Variants in MSRA observed in about 807,000 individuals in gnomAD.
MSRA encodes methionine sulfoxide reductase A.
Under a neutral mutation model 31.3 loss-of-function variants are expected in MSRA, and 54 were observed. The observed-to-expected ratio is 1.73, with a 90% CI of 1.39 to 2.17. The LOEUF (loss-of-function observed/expected upper bound fraction) is 2.17. Ranked by LOEUF, MSRA falls within the 30% of genes most tolerant of loss-of-function variation. The pLI, the probability that MSRA is intolerant of heterozygous loss-of-function variation, is 0.00. For synonymous variants in MSRA, 169 were observed against 116.5 expected (o/e 1.45, Z -2.90); for missense variants, 507 against 300.9 (o/e 1.69, Z -5.07).
At chr8:10,179,852 C>T (rs77489064) in intron 1 of MSRA, among the ~76,000 whole-genome samples, 24,312 of 152,150 alleles carry the variant, frequency 0.16, 4,186 homozygotes, top group African/African-American at 0.43. Flanking sequence ...TCCTACACCT[C>T]TCCCCATGTA....
At chr8:10,282,516 C>G (rs1334788558) in intron 3 of MSRA, among the ~76,000 whole-genome samples, 4 of 152,216 alleles carry the variant, frequency 2.6e-5, no homozygotes, top group Non-Finnish European at 5.9e-5. Context: ...GGTGTCCATT[C>G]TGTGTCCCCT....
At chr8:10,416,008 A>T (rs1808436458) in intron 5 of MSRA, among the ~76,000 whole-genome samples, 1 of 149,296 alleles carries the variant, frequency 6.7e-6, no homozygotes, top group Non-Finnish European at 1.5e-5. Flanking sequence ...GGGAATTCTG[A>T]CCCTCTGGGT....
chr8:10,268,124 T>G (rs1319111681), intron 3 of MSRA, among the ~76,000 whole-genome samples: 1 of 152,210 alleles, frequency 6.6e-6, no homozygotes, highest in Middle Eastern at 3.2e-3. Flanking sequence ...AACAACTAAA[T>G]GAATACATAT....
chr8:10,241,040 A>G (rs552598923), intron 2 of MSRA, among the ~76,000 whole-genome samples: 1 of 152,102 alleles, frequency 6.6e-6, no homozygotes, highest in South Asian at 2.1e-4. Context: ...CCTCTTTATG[A>G]TAGACTGTGG....
intron 1 of MSRA, among the ~76,000 whole-genome samples, chr8:10,203,353 A>G (rs979220298): frequency 2.0e-5 from 3 of 152,164 alleles, no homozygotes; most frequent in Non-Finnish European, 2.9e-5. Flanking sequence ...CTGAGGGGCC[A>G]TTTTCAATGA....
chr8:10,261,170 T>G (rs112441257), intron 3 of MSRA, among the ~76,000 whole-genome samples: 2,196 of 152,310 alleles, frequency 0.014, 44 homozygotes, highest in African/African-American at 0.05. Context: ...ATTGATTACC[T>G]TTTTATTTAT....
intron 1 of MSRA, among the ~76,000 whole-genome samples, chr8:10,178,869 C>A (rs1390796757): frequency 6.6e-6 from 1 of 152,048 alleles, no homozygotes; most frequent in East Asian, 1.9e-4. Flanking sequence ...AGGATGGCAC[C>A]AGAATCTCAG....
chr8:10,337,744 G>T (rs933902714), intron 5 of MSRA: 8 of 702,514 alleles, frequency 1.1e-5, no homozygotes, highest in East Asian at 5.4e-5. Flanking sequence ...CCATGCTGGG[G>T]CTCACTGCAG....
chr8:10,320,192 G>C, intron 5 of MSRA: 1 of 398,884 alleles, frequency 2.5e-6, no homozygotes, highest in Non-Finnish European at 4.5e-6. Context: ...GCCTGGGCCA[G>C]GGCCAGTGGC....
chr8:10,212,048 A>G (rs1434031552), intron 2 of MSRA, among the ~76,000 whole-genome samples: 1 of 152,026 alleles, frequency 6.6e-6, no homozygotes, highest in Non-Finnish European at 1.5e-5. Flanking sequence ...TTAGCTGGGT[A>G]TGGTGGCATG....
chr8:10,242,566 T>A (rs549050459), intron 2 of MSRA, among the ~76,000 whole-genome samples: 8 of 152,318 alleles, frequency 5.3e-5, no homozygotes, highest in African/African-American at 1.9e-4. Context: ...TGTGGTTTTT[T>A]TGCATCAGTT....
intron 5 of MSRA, among the ~76,000 whole-genome samples, chr8:10,348,980 A>G (rs1031646735): frequency 6.6e-6 from 1 of 152,170 alleles, no homozygotes; most frequent in Non-Finnish European, 1.5e-5. Context: ...TATGTATCTG[A>G]TGAAGATAAA....
chr8:10,149,046 C>T (rs1326564587), intron 1 of MSRA, among the ~76,000 whole-genome samples: 2 of 151,494 alleles, frequency 1.3e-5, no homozygotes, highest in African/African-American at 2.4e-5. Context: ...ACCTCTGCCT[C>T]CCAGGTTCCA....
rs139075129 is a variant in MSRA at position 10,116,287 on chromosome 8, G to A, written c.142+61629G>A. 1.8e-3 allele frequency among the ~76,000 whole-genome samples: 271 copies of A among 152,240 alleles called. 1 individual carries two copies. Among genetic ancestry groups the A allele is most frequent in the African/African-American group, 6.2e-3 (259 of 41,532 alleles). Reference sequence around the variant, plus strand: ...TTAAATTTTAAGCTCATTAGCTATCGTTAGTGTATTTTATATGTGGCCCAA... The same window carrying A: ...TTAAATTTTAAGCTCATTAGCTATCATTAGTGTATTTTATATGTGGCCCAA... On this transcript the variant is annotated intron_variant, in intron 1 of 5. Coordinates refer to ENST00000317173, the MANE Select transcript of MSRA (RefSeq NM_012331.5).
chr8:10,353,644 G>T (rs1484053666), intron 5 of MSRA: 9 of 456,246 alleles, frequency 2.0e-5, no homozygotes, highest in African/African-American at 1.6e-4. Context: ...TGGAAGAAGA[G>T]AACACAGACT....
chr8:10,337,907 C>T (rs975208474), intron 5 of MSRA: 3 of 664,682 alleles, frequency 4.5e-6, no homozygotes, highest in African/African-American at 3.6e-5. Flanking sequence ...GACAGCAGGG[C>T]TTCGTGTTTC....
intron 2 of MSRA, among the ~76,000 whole-genome samples, chr8:10,244,392 A>G (rs1797502801): frequency 6.6e-6 from 1 of 152,182 alleles, no homozygotes; most frequent in African/African-American, 2.4e-5. Flanking sequence ...AGATGTTCAA[A>G]GAGATCCTGT....
intron 1 of MSRA, among the ~76,000 whole-genome samples, chr8:10,161,848 C>T (rs1401698982): frequency 3.3e-5 from 5 of 151,954 alleles, no homozygotes; most frequent in Non-Finnish European, 7.4e-5. Flanking sequence ...AACCATGGGC[C>T]CTGGGCAAGT....
chr8:10,412,700 A>G (rs1463020120), intron 5 of MSRA, among the ~76,000 whole-genome samples: 1 of 152,214 alleles, frequency 6.6e-6, no homozygotes, highest in Non-Finnish European at 1.5e-5. Flanking sequence ...ACAGAAGGCA[A>G]ATAGGAACGT....
Sources: gnomAD v4.1 joint callset for allele counts (sites outside exome capture counted in the v4.1 genomes callset) on GRCh38, gnomAD v4.1.1 for gene constraint, MANE v1.5 for transcripts, NCBI Gene and HGNC (gene_info 2026-07-23, HGNC 2026-07-21) for gene names.